CELF4: variants seen among roughly 807,000 people sequenced by gnomAD.
CELF4 encodes CUG-BP- and ETR-3-like factor 4.
A neutral mutation model predicts 59.9 loss-of-function variants in CELF4; 18 were observed. The observed-to-expected ratio is 0.30, with a 90% CI of 0.21 to 0.45. The LOEUF (loss-of-function observed/expected upper bound fraction) is 0.45. Among genes scored for constraint, CELF4 ranks in the 20% least tolerant of loss-of-function variants. The pLI is 1.00. For synonymous variants in CELF4, 261 were observed against 267.1 expected (o/e 0.98, Z 0.22); for missense variants, 456 against 689.0 (o/e 0.66, Z 3.79).
rs542352333 is a variant in CELF4, at chr18:37,264,963, T to A, written c.1166-206A>T. Among the ~76,000 whole-genome samples, 3 of 152,188 alleles carry A rather than the reference T, an allele frequency of 2.0e-5. No homozygotes were observed. In the South Asian group the frequency reaches 6.2e-4, roughly 32 times the overall value. ...GAGTGGAAATGGGTGTGTGGGTGTG[T>A]GTACGTGTGTGTGTGCGTGTGTGTA... On this transcript the variant is annotated intron_variant, in intron 9 of 12. Transcript: ENST00000420428.
chr18:37,485,146 GCCC>G (rs1294231615), intron 2 of CELF4, among the ~76,000 whole-genome samples: 1 of 152,018 alleles, frequency 6.6e-6, no homozygotes, highest in Admixed American at 6.6e-5. Context: ...CACTTGCGGC[GCCC>G]CCTCCCACGC....
intron 2 of CELF4, among the ~76,000 whole-genome samples, chr18:37,481,030 GA>G (rs1306820319): frequency 1.3e-5 from 2 of 152,122 alleles, no homozygotes; most frequent in Non-Finnish European, 2.9e-5. Context: ...AGGTCACATT[GA>G]ATTTCCATGG....
At chr18:37,263,460 A>G (rs1569210304) in intron 10 of CELF4, among the ~76,000 whole-genome samples, 1 of 152,136 alleles carries the variant, frequency 6.6e-6, no homozygotes, top group East Asian at 1.9e-4. Context: ...CTCTGACCAC[A>G]TGGGCTGCAG....
chr18:37,559,526 T>TC (rs2099985913), intron 1 of CELF4, among the ~76,000 whole-genome samples: 1 of 152,078 alleles, frequency 6.6e-6, no homozygotes, highest in African/African-American at 2.4e-5. Context: ...CTTTTTTTTT[T>TC]CTCTACCTGC....
At chr18:37,353,220 CAA>C (rs768540669) in intron 2 of CELF4, among the ~76,000 whole-genome samples, 2 of 96,754 alleles carry the variant, frequency 2.1e-5, no homozygotes, top group African/African-American at 7.9e-5. Context: ...GACTCCGTCT[CAA>C]AAAAAAAAAA....
chr18:37,457,258 G>A (rs911396420), intron 2 of CELF4, among the ~76,000 whole-genome samples: 2 of 152,152 alleles, frequency 1.3e-5, no homozygotes, highest in Non-Finnish European at 2.9e-5. Context: ...GCGGCTGATC[G>A]TGGCCCCTCG....
intron 2 of CELF4, among the ~76,000 whole-genome samples, chr18:37,394,850 G>A (rs1192833625): frequency 6.6e-6 from 1 of 152,062 alleles, no homozygotes; most frequent in Non-Finnish European, 1.5e-5. Context: ...CACCTCCTAG[G>A]CCCTAGGCTG....
At chr18:37,343,329 CTG>C (rs5824051) in intron 2 of CELF4, among the ~76,000 whole-genome samples, 11,101 of 126,828 alleles carry the variant, frequency 0.088, 523 homozygotes, top group African/African-American at 0.14. Context: ...GGTGTTGATT[CTG>C]TGTGTGTGTG....
chr18:37,351,416 G>A (rs1005202766), intron 2 of CELF4, among the ~76,000 whole-genome samples: 3 of 152,104 alleles, frequency 2.0e-5, no homozygotes, highest in South Asian at 4.2e-4. Flanking sequence ...CGGGCCCAAC[G>A]TATACCAGAA....
At chr18:37,509,464 G>C (rs751621374) in intron 1 of CELF4, among the ~76,000 whole-genome samples, 1 of 152,194 alleles carries the variant, frequency 6.6e-6, no homozygotes, top group African/African-American at 2.4e-5. Context: ...CTTTGTCATC[G>C]GTAATGAGAA....
chr18:37,524,762 C>T (rs1035851476), intron 1 of CELF4, among the ~76,000 whole-genome samples: 11 of 152,184 alleles, frequency 7.2e-5, no homozygotes, highest in African/African-American at 1.7e-4. Context: ...GCCGAACATC[C>T]CCCGAGCCGC....
At chr18:37,547,145 T>TATGTGTGTGTGTG (rs879507460) in intron 1 of CELF4, among the ~76,000 whole-genome samples, 4 of 107,926 alleles carry the variant, frequency 3.7e-5, no homozygotes, top group Non-Finnish European at 5.5e-5. Context: ...GCTTAGTGTA[T>TATGTGTGTGTGTG]GTGTGTGTGT....
At chr18:37,390,807 A>AGGGG (rs1004031145) in intron 2 of CELF4, among the ~76,000 whole-genome samples, 2 of 57,126 alleles carry the variant, frequency 3.5e-5, no homozygotes, top group Non-Finnish European at 6.5e-5. Context: ...TGGGGCGGGG[A>AGGGG]GGGGGGGCAG....
intron 2 of CELF4, among the ~76,000 whole-genome samples, chr18:37,398,550 C>A (rs1040108291): frequency 7.9e-5 from 12 of 152,138 alleles, no homozygotes; most frequent in Non-Finnish European, 1.3e-4. Context: ...AGGCCACTGG[C>A]CCGTCAAAGG....
chr18:37,539,472 A>AG (rs2099976149), intron 1 of CELF4, among the ~76,000 whole-genome samples: 1 of 106,748 alleles, frequency 9.4e-6, no homozygotes, highest in Non-Finnish European at 2.0e-5. Context: ...CACACACACA[A>AG]ACACACACAC....
chr18:37,543,117 C>T (rs1161843613), intron 1 of CELF4, among the ~76,000 whole-genome samples: 2 of 152,182 alleles, frequency 1.3e-5, no homozygotes, highest in Admixed American at 6.5e-5. Flanking sequence ...CAAGAGCTCC[C>T]CAAGGGTTGC....
chr18:37,271,156 C>A (rs978852143), intron 7 of CELF4, among the ~76,000 whole-genome samples: 1 of 152,036 alleles, frequency 6.6e-6, no homozygotes, highest in African/African-American at 2.4e-5. Context: ...TCCACCTGCC[C>A]AAATAAGATT....
intron 3 of CELF4, among the ~76,000 whole-genome samples, chr18:37,290,877 A>G (rs1321148842): frequency 1.3e-5 from 2 of 152,144 alleles, no homozygotes; most frequent in Admixed American, 6.5e-5. Context: ...CCTCCTCTAC[A>G]ACATGATCCA....
chr18:37,433,362 C>T (rs2099676938), intron 2 of CELF4, among the ~76,000 whole-genome samples: 1 of 152,104 alleles, frequency 6.6e-6, no homozygotes, highest in African/African-American at 2.4e-5. Flanking sequence ...CCTGCTCTTG[C>T]CAATACAATG....
Sources: allele counts gnomAD v4.1 joint callset (sites outside exome capture counted in the v4.1 genomes callset), GRCh38; gene constraint gnomAD v4.1.1; transcripts MANE v1.5; gene names NCBI Gene and HGNC (gene_info 2026-07-23, HGNC 2026-07-21).